Variants in CSMD1 observed in about 807,000 individuals in gnomAD.
CSMD1 encodes CUB and Sushi multiple domains 1, also known as CUB and sushi domain-containing protein 1.
Under a neutral mutation model 417.5 loss-of-function variants are expected in CSMD1, and 213 were observed. The observed-to-expected ratio is 0.51, with a 90% CI of 0.46 to 0.57. CSMD1 has a LOEUF of 0.57. Among genes scored for constraint, CSMD1 ranks in the 20% least tolerant of loss-of-function variants. The probability of loss-of-function intolerance (pLI) is 0.00; values close to 1 mark genes in which losing one functional copy is unlikely to be tolerated. For missense variants in CSMD1, 6,923 were observed against 4,529.7 expected (o/e 1.53, Z -15.17); for synonymous variants, 2,862 against 1,736.8 (o/e 1.65, Z -16.11).
At chr8:3,113,315 C>G (rs1055281328) in intron 42 of CSMD1, 5 of 152,250 alleles carry the variant, frequency 3.3e-5, no homozygotes, top group African/African-American at 1.2e-4. Context: ...CCTCCACTCT[C>G]AGGAGCCATG....
intron 3 of CSMD1, among the ~76,000 whole-genome samples, chr8:4,134,814 TTTGTCC>T (rs1264441366): frequency 2.0e-5 from 3 of 152,194 alleles, no homozygotes. Flanking sequence ...TAACACAAAT[TTTGTCC>T]TTGGCCTTGG....
At chr8:3,999,646 C>G (rs1014563225) in intron 4 of CSMD1, among the ~76,000 whole-genome samples, 1 of 152,136 alleles carries the variant, frequency 6.6e-6, no homozygotes, top group East Asian at 1.9e-4. Flanking sequence ...CATTTCCCAT[C>G]CTTCCTACGG....
intron 5 of CSMD1, among the ~76,000 whole-genome samples, chr8:3,926,996 G>C (rs924430414): frequency 1.3e-5 from 2 of 151,910 alleles, no homozygotes; most frequent in African/African-American, 4.8e-5. Context: ...TTACAGGCGT[G>C]AGCCACCGTG....
At chr8:3,951,733 G>T (rs1295084400) in intron 5 of CSMD1, among the ~76,000 whole-genome samples, 1 of 151,954 alleles carries the variant, frequency 6.6e-6, no homozygotes, top group Non-Finnish European at 1.5e-5. Context: ...ACAACATGGG[G>T]GGCATTAAAA....
chr8:3,214,603 G>C lies in CSMD1; in HGVS notation c.4761C>G (p.Thr1587=). The change falls in exon 30 of 70, where the codon ACC becomes ACG. Residue 1587 remains threonine (T), a synonymous_variant. Transcript: ENST00000635120. Reference sequence around the variant, plus strand: ...TCTTATAGCCAGAGTCACACTGGTAGGTGATGGTGGAGCCAAGCTTGAAGT... The same window carrying C: ...TCTTATAGCCAGAGTCACACTGGTACGTGATGGTGGAGCCAAGCTTGAAGT... The part of the protein sequence containing the change: ...GTDFKLGSTI[T]YQCDSGYKIL... 6.4e-7 allele frequency: 1 copy of C among 1,565,766 alleles called. No homozygotes were observed. The highest frequency in any genetic ancestry group is 8.7e-7 in the Non-Finnish European group (1 of 1,154,452).
intron 1 of CSMD1, among the ~76,000 whole-genome samples, chr8:4,668,165 C>G (rs1805057940): frequency 6.6e-6 from 1 of 152,088 alleles, no homozygotes; most frequent in Admixed American, 6.5e-5. Context: ...ATCAACTGCA[C>G]TGCCATGGAT....
intron 3 of CSMD1, among the ~76,000 whole-genome samples, chr8:4,055,907 A>C (rs1798665611): frequency 6.6e-6 from 1 of 152,134 alleles, no homozygotes; most frequent in Non-Finnish European, 1.5e-5. Flanking sequence ...ATGAGTCATT[A>C]GTATTTAAGC....
intron 10 of CSMD1, among the ~76,000 whole-genome samples, chr8:3,551,532 C>T (rs1176521783): frequency 2.7e-5 from 4 of 147,480 alleles, no homozygotes; most frequent in Non-Finnish European, 5.9e-5. Flanking sequence ...ACCACTGCTT[C>T]TATATTGGTA....
At chr8:4,439,287 T>C (rs1248964513) in intron 2 of CSMD1, among the ~76,000 whole-genome samples, 1 of 152,294 alleles carries the variant, frequency 6.6e-6, no homozygotes, top group Non-Finnish European at 1.5e-5. Context: ...AAAATGACCT[T>C]TCACTGCTGC....
At chr8:4,828,088 CT>C (rs1799938882) in intron 1 of CSMD1, among the ~76,000 whole-genome samples, 1 of 152,022 alleles carries the variant, frequency 6.6e-6, no homozygotes. Flanking sequence ...ATTCTTCAGT[CT>C]TTTTTGACAA....
intron 5 of CSMD1, among the ~76,000 whole-genome samples, chr8:3,859,735 G>A (rs1246449397): frequency 2.6e-5 from 4 of 152,064 alleles, no homozygotes; most frequent in East Asian, 1.9e-4. Flanking sequence ...ACAGAAACCC[G>A]GGCAGTCTTC....
At chr8:4,880,669 G>C (rs1330327446) in intron 1 of CSMD1, among the ~76,000 whole-genome samples, 1 of 152,050 alleles carries the variant, frequency 6.6e-6, no homozygotes, top group Non-Finnish European at 1.5e-5. Flanking sequence ...AGTGGAGACA[G>C]AGAGACTTTT....
At position 2,935,414 on chromosome 8, in the gene CSMD1, G is replaced by A. The variant is rs1326445414; in HGVS notation, c.*3171C>T. ...ATTTGCTTTAAAGATTGGTGGCATT[G>A]CACAGGCTATATTACACCCTCTTTA... On this transcript the variant is annotated 3_prime_UTR_variant, in exon 70 of 70. Coordinates refer to ENST00000635120, the MANE Select transcript of CSMD1 (RefSeq NM_033225.6). 6.6e-6 allele frequency: 1 copy of A among 152,066 alleles called. No homozygotes were observed. Among genetic ancestry groups the A allele is most frequent in the East Asian group, 1.9e-4 (1 of 5,198 alleles). The allele number at this position is 152,066 out of a possible 1,614,324, so 9.4% of individuals were successfully genotyped here.
At chr8:4,558,854 T>G (rs1179584167) in intron 2 of CSMD1, among the ~76,000 whole-genome samples, 2 of 152,136 alleles carry the variant, frequency 1.3e-5, no homozygotes, top group Non-Finnish European at 2.9e-5. Context: ...GGCAACAAAG[T>G]GAGACTCCGT....
intron 3 of CSMD1, among the ~76,000 whole-genome samples, chr8:4,182,745 AT>A (rs199689472): frequency 2.1e-4 from 31 of 150,728 alleles, no homozygotes; most frequent in Middle Eastern, 3.4e-3. Context: ...ATGGAACATC[AT>A]TTTTTTTTCT....
chr8:3,294,493 T>C (rs1322797382), intron 25 of CSMD1, among the ~76,000 whole-genome samples: 1 of 152,136 alleles, frequency 6.6e-6, no homozygotes, highest in Non-Finnish European at 1.5e-5. Context: ...TCTGGGCCGT[T>C]TTTTTAGTCA....
chr8:4,017,929 A>C (rs115910911), intron 4 of CSMD1, among the ~76,000 whole-genome samples: 1,645 of 152,262 alleles, frequency 0.011, 25 homozygotes, highest in East Asian at 0.055. Flanking sequence ...TCCAATCATA[A>C]AGCTGGTTGC....
intron 1 of CSMD1, among the ~76,000 whole-genome samples, chr8:4,644,325 T>C (rs1456972512): frequency 2.0e-4 from 30 of 152,172 alleles, no homozygotes; most frequent in Non-Finnish European, 2.9e-5. Context: ...TGAGGCCTCA[T>C]GCAGGTCTCA....
chr8:4,628,359 T>G (rs968521662), intron 2 of CSMD1, among the ~76,000 whole-genome samples: 1 of 150,026 alleles, frequency 6.7e-6, no homozygotes, highest in Non-Finnish European at 1.5e-5. Context: ...TATACTTCTA[T>G]GTATGTGTGT....
Sources: allele counts gnomAD v4.1 joint callset (sites outside exome capture counted in the v4.1 genomes callset), GRCh38; gene constraint gnomAD v4.1.1; transcripts MANE v1.5; gene names NCBI Gene and HGNC (gene_info 2026-07-23, HGNC 2026-07-21).